KLK10: variants seen among roughly 807,000 people sequenced by gnomAD.
KLK10 encodes the protein kallikrein related peptidase 10.
KLK10 carries 27 observed loss-of-function variants against 25.7 expected under a neutral mutation model. The observed-to-expected ratio is 1.05, with a 90% CI of 0.77 to 1.45. The LOEUF (loss-of-function observed/expected upper bound fraction) is 1.45, where lower values mean the gene tolerates loss of function less well. Among genes scored for constraint, KLK10 ranks in the 40% most tolerant of loss-of-function variants. KLK10 has a pLI of 0.00. For synonymous variants in KLK10, 173 were observed against 160.1 expected (o/e 1.08, Z -0.61); for missense variants, 386 against 370.0 (o/e 1.04, Z -0.35).
intron 2 of KLK10, 53 bp from the exon 3 acceptor site, chr19:51,017,343 G>T: frequency 6.6e-7 from 1 of 1,523,242 alleles, no homozygotes; most frequent in Admixed American, 2.0e-5. Flanking sequence ...GTCTGGGTTT[G>T]GGGTTGGAGC....
chr19:51,012,908 A>G lies in KLK10; in HGVS notation c.*1892T>C, dbSNP rs767376321. ...GAGACCTGAATGACAGGAATGTAAGACTGGCCTGTCTCCCTGACCTAACTA... is the reference window on the plus strand; with the variant it reads ...GAGACCTGAATGACAGGAATGTAAGGCTGGCCTGTCTCCCTGACCTAACTA... On this transcript the variant is annotated 3_prime_UTR_variant, in exon 6 of 6. Transcript: ENST00000358789. 6 of 152,162 alleles carry G rather than the reference A, an allele frequency of 3.9e-5. No homozygotes were observed. Among genetic ancestry groups the G allele is most frequent in the Non-Finnish European group, 8.8e-5 (6 of 68,036 alleles). The allele number at this position is 152,162 out of a possible 1,614,324, so 9.4% of individuals were successfully genotyped here. A position where few individuals can be genotyped will look rare whatever the true frequency, so the allele number is the denominator to read the frequency against.
Position 51,014,131 on chromosome 19 carries a change from G to T in KLK10, c.*669C>A, listed in dbSNP as rs1202164688. On this transcript the variant is annotated 3_prime_UTR_variant, in exon 6 of 6. Transcript: ENST00000358789. ...GAGATGAGAAGGAAGTGGTTAAAAG[G>T]TGTTTCCTGGGACTTGGAACTAGGG... The T allele has an allele frequency of 6.6e-6, 1 of 152,342 alleles. No homozygotes were observed. The highest frequency in any genetic ancestry group is 2.4e-5 in the African/African-American group (1 of 41,452). 9.4% of individuals were successfully genotyped at this position (152,342 alleles called of 1,614,324 possible). A position where few individuals can be genotyped will look rare whatever the true frequency, so the allele number is the denominator to read the frequency against.
At chr19:51,015,277 G>A (rs1600137078) in intron 5 of KLK10, 140 bp downstream of exon 5, 1 of 902,518 alleles carries the variant, frequency 1.1e-6, no homozygotes, top group East Asian at 2.4e-5. Context: ...GGATGAGGAG[G>A]GGGTTAGGTC....
chr19:51,015,102 AG>A (rs1292487248), intron 5 of KLK10, 150 bp from the exon 6 acceptor site: 1 of 696,324 alleles, frequency 1.4e-6, no homozygotes, highest in Admixed American at 2.8e-5. Flanking sequence ...GCTGGAAGGT[AG>A]GAATGGAGGT....
rs1416438790 is a variant in KLK10 at position 51,014,825 on chromosome 19, A to C, written c.806T>G (p.Ile269Ser). The change falls in exon 6 of 6, where the codon ATC becomes AGC. Residue 269 changes from isoleucine to serine, a missense_variant. Ile to Ser is a moderately radical substitution (Grantham distance 142). Coordinates refer to ENST00000358789, the MANE Select transcript of KLK10 (RefSeq NM_145888.3). ...YTQICKYMSW[I>S]NKVIRSN Reference sequence around the variant, plus strand: ...TCAGTTGGAGCGTATGACTTTATTGATCCAGGACATGTATTTGCAGATCTG... The same window carrying C: ...TCAGTTGGAGCGTATGACTTTATTGCTCCAGGACATGTATTTGCAGATCTG... 6.8e-6 allele frequency: 11 copies of C among 1,614,050 alleles called. 1 individual carries two copies. Among genetic ancestry groups the C allele is most frequent in the Non-Finnish European group, 9.3e-6 (11 of 1,179,980 alleles).
rs2091380568 is a variant in KLK10, at chr19:51,019,505, G to A, written c.-10+122C>T. The A allele has an allele frequency of 5.6e-6, 1 of 179,406 alleles. No homozygotes were observed. Among genetic ancestry groups the A allele is most frequent in the East Asian group, 1.4e-4 (1 of 7,050 alleles). 11.1% of individuals were successfully genotyped at this position (179,406 alleles called of 1,614,324 possible). ...CTCTTTCTCAACCTCACAGCGGGGG[G>A]ACTTCCGCGTCCCGCAGGTGGAGAA... is the stretch of plus-strand genomic sequence containing the variant. On this transcript the variant is annotated intron_variant, in intron 1 of 5. Coordinates refer to ENST00000358789, the MANE Select transcript of KLK10 (RefSeq NM_145888.3). This position sits in a 1 kb window ranked among gnomAD's most constrained non-coding sequence, Gnocchi z 4.2.
intron 3 of KLK10, among the ~76,000 whole-genome samples, chr19:51,016,651 T>C (rs2091332422): frequency 6.6e-6 from 1 of 151,544 alleles, no homozygotes. Context: ...TTGGCCAGGC[T>C]GGTCTTGAAC....
intron 2 of KLK10, among the ~76,000 whole-genome samples, chr19:51,017,756 G>A (rs1014467867): frequency 6.6e-6 from 1 of 152,014 alleles, no homozygotes; most frequent in Non-Finnish European, 1.5e-5. Context: ...AGCCGAGGCG[G>A]TTGGACCGCT....
rs2122481079 is a variant in KLK10 at position 51,019,067 on chromosome 19, G to T, written c.64C>A (p.Pro22Thr). The change falls in exon 2 of 6, where the codon CCG becomes ACG. Residue 22 changes from proline (P) to threonine (T), a missense_variant. Pro to Thr is a conservative substitution (Grantham distance 38). Coordinates refer to ENST00000358789, the MANE Select transcript of KLK10 (RefSeq NM_145888.3). This position sits in a 1 kb window ranked among gnomAD's most constrained non-coding sequence, Gnocchi z 4.2. ...SGARALAKLL[P>T]LLMAQLWAAE... is the part of the protein sequence containing the mutation. Reference sequence around the variant, plus strand: ...CCCCAGAGTTGCGCCATCAGCAGCGGCAGCAGCTTCGCCAGAGCCCGGGCG... The same window carrying T: ...CCCCAGAGTTGCGCCATCAGCAGCGTCAGCAGCTTCGCCAGAGCCCGGGCG... 4.1e-5 allele frequency: 66 copies of T among 1,606,184 alleles called. No individual in the cohort carries two copies. The highest frequency in any genetic ancestry group is 5.6e-5 in the Non-Finnish European group (66 of 1,179,358).
intron 4 of KLK10, 76 bp from the exon 5 acceptor site, chr19:51,015,626 C>T (rs991860719): frequency 5.3e-6 from 8 of 1,499,222 alleles, no homozygotes; most frequent in East Asian, 4.6e-5. Context: ...GATACAAGAC[C>T]GTTTCTATCC....
intron 5 of KLK10, 46 bp from the exon 6 acceptor site, chr19:51,014,998 G>A (rs148552940): frequency 6.4e-7 from 1 of 1,573,602 alleles, no homozygotes; most frequent in Non-Finnish European, 8.7e-7. Context: ...GCCAACGTGA[G>A]AGCTGTCACT....
intron 2 of KLK10, among the ~76,000 whole-genome samples, chr19:51,017,822 A>C (rs10423292): frequency 0.31 from 41,370 of 133,484 alleles, 5,758 homozygotes; most frequent in African/African-American, 0.33. Context: ...AGTCTCTACA[A>C]AAACAAACAA....
At position 51,017,226 on chromosome 19, in the gene KLK10, C is replaced by T; in HGVS notation, c.153G>A (p.Pro51=). The T allele has an allele frequency of 6.2e-7, 1 of 1,612,326 alleles. No homozygotes were observed. The highest frequency in any genetic ancestry group is 8.5e-7 in the Non-Finnish European group (1 of 1,179,550). The change falls in exon 3 of 6, where the codon CCG becomes CCA. Residue 51 remains proline (P), a synonymous_variant. Transcript: ENST00000358789. ...GCCAGGGCTGCGAGCCGCGCGCGCA[C>T]GGGGAGCCATAGGCTTCGGGGTCCA... is the stretch of plus-strand genomic sequence containing the variant. ...TRLDPEAYGS[P]CARGSQPWQV... is the part of the protein sequence containing the mutation.
Position 51,015,920 on chromosome 19 carries a change from C to G in KLK10, c.506G>C (p.Cys169Ser), listed in dbSNP as rs1327567475. The change falls in exon 4 of 6, where the codon TGC becomes TCC. Residue 169 changes from cysteine to serine, a missense_variant. Physicochemically the swap from Cys to Ser is moderately radical, Grantham distance 112. Coordinates refer to ENST00000358789, the MANE Select transcript of KLK10 (RefSeq NM_145888.3). Reference protein sequence around the residue: ...PYRCAQPGDQCQVAGWGTTAA... With the variant: ...PYRCAQPGDQSQVAGWGTTAA... ...CGTGGTGCCCCAGCCAGCAACCTGG[C>G]ACTGGTCTCCGGGCTGAGCACAGCG... The G allele has an allele frequency of 1.3e-6, 2 of 1,581,712 alleles. No individual in the cohort carries two copies. The highest frequency in any genetic ancestry group is 1.7e-6 in the Non-Finnish European group (2 of 1,166,362).
chr19:51,019,090 G>T lies in KLK10; in HGVS notation c.41C>A (p.Ala14Asp). Residue 14 changes from alanine to aspartate, a missense_variant, in exon 2 of 6, where the codon GCC becomes GAC. Coordinates refer to ENST00000358789, the MANE Select transcript of KLK10 (RefSeq NM_145888.3). The surrounding 1 kb of genome is among the most constrained non-coding windows in gnomAD (Gnocchi z 4.2). ...CGGCAGCAGCTTCGCCAGAGCCCGGGCGCCAGAGGCGGCGGAGAGGTGGAG... is the reference window on the plus strand; with the variant it reads ...CGGCAGCAGCTTCGCCAGAGCCCGGTCGCCAGAGGCGGCGGAGAGGTGGAG... Reference protein sequence around the residue: ...PHLHLSAASGARALAKLLPLL... With the variant: ...PHLHLSAASGDRALAKLLPLL... 2 of 1,609,092 alleles carry T rather than the reference G, an allele frequency of 1.2e-6. No individual in the cohort carries two copies. The highest frequency in any genetic ancestry group is 1.7e-6 in the Non-Finnish European group (2 of 1,179,602).
At position 51,017,136 on chromosome 19, in the gene KLK10, C is replaced by A; in HGVS notation, c.243G>T (p.Val81=). 6.2e-7 allele frequency: 1 copy of A among 1,610,152 alleles called. No individual in the cohort carries two copies. The highest frequency in any genetic ancestry group is 8.5e-7 in the Non-Finnish European group (1 of 1,178,996). ...TGTTTCCGCAGTGCGCGGCCGTCAG[C>A]ACCCAACTCTGGTCCACCAGGACAC... ...CAGVLVDQSW[V]LTAAHCGNKP... Residue 81 remains valine, a synonymous_variant, in exon 3 of 6, where the codon GTG becomes GTT. Coordinates refer to ENST00000358789, the MANE Select transcript of KLK10 (RefSeq NM_145888.3).
intron 4 of KLK10, 59 bp downstream of exon 4, chr19:51,015,823 G>A (rs2122423187): frequency 7.0e-7 from 1 of 1,425,782 alleles, no homozygotes; most frequent in Non-Finnish European, 9.2e-7. Flanking sequence ...TCAGACCCAG[G>A]GGTTCAGGCC....
rs572137357 is a variant in KLK10 at position 51,019,104 on chromosome 19, G to A, written c.27C>T (p.Ser9=). 1.2e-6 allele frequency: 2 copies of A among 1,609,356 alleles called. No individual in the cohort carries two copies. The highest frequency in any genetic ancestry group is 2.7e-5 in the African/African-American group (2 of 75,028). The change falls in exon 2 of 6, where the codon TCC becomes TCT. Residue 9 remains serine (S), a synonymous_variant. Transcript: ENST00000358789. This position sits in a 1 kb window ranked among gnomAD's most constrained non-coding sequence, Gnocchi z 4.2. ...CCAGAGCCCGGGCGCCAGAGGCGGC[G>A]GAGAGGTGGAGGTGCGGAGCTCTCA... MRAPHLHL[S]AASGARALAK...
rs377747625 is a variant in KLK10, at chr19:51,013,247, C to G, written c.*1553G>C. 12 of 152,248 alleles carry G rather than the reference C, an allele frequency of 7.9e-5. No individual in the cohort carries two copies. The highest frequency in any genetic ancestry group is 2.9e-4 in the African/African-American group (12 of 41,532). 9.4% of individuals were successfully genotyped at this position (152,248 alleles called of 1,614,324 possible). On this transcript the variant is annotated 3_prime_UTR_variant, in exon 6 of 6. Coordinates refer to ENST00000358789, the MANE Select transcript of KLK10 (RefSeq NM_145888.3). The stretch of plus-strand genomic sequence containing the variant: ...GTGGGGGACCTTGTGATCACCCCTA[C>G]GTATGTCCCCAGCACCCAGCACTGG...
Sources: gnomAD v4.1 joint callset for allele counts (sites outside exome capture counted in the v4.1 genomes callset) on GRCh38, gnomAD v4.1.1 for gene constraint, Gnocchi (gnomAD v3.1) non-coding constraint, MANE v1.5 for transcripts, NCBI Gene and HGNC (gene_info 2026-07-23, HGNC 2026-07-21) for gene names.